FAT3: variants seen among roughly 807,000 people sequenced by gnomAD.
FAT3 encodes protocadherin Fat 3.
A neutral mutation model predicts 310.2 loss-of-function variants in FAT3; 95 were observed. That is an observed-to-expected ratio of 0.31 (90% CI 0.26 to 0.36). FAT3 has a LOEUF of 0.36. Ranked by LOEUF, FAT3 falls within the 10% of genes least tolerant of loss-of-function variation. The pLI, the probability that FAT3 is intolerant of heterozygous loss-of-function variation, is 1.00. For synonymous variants in FAT3, 2,314 were observed against 2,192.9 expected (o/e 1.06, Z -1.54); for missense variants, 5,408 against 5,715.6 (o/e 0.95, Z 1.74).
intron 13 of FAT3, among the ~76,000 whole-genome samples, chr11:92,823,664 G>A (rs1291795102): frequency 1.3e-5 from 2 of 152,098 alleles, no homozygotes; most frequent in Admixed American, 1.3e-4. Context: ...CAGTCATCAG[G>A]GTCTCCTGGA....
At chr11:92,794,339 G>A (rs1402979266) in intron 9 of FAT3, among the ~76,000 whole-genome samples, 2 of 152,024 alleles carry the variant, frequency 1.3e-5, no homozygotes, top group African/African-American at 2.4e-5. Flanking sequence ...TTTTTCCAAT[G>A]TTGTGTTTTT....
At position 92,799,807 on chromosome 11, in the gene FAT3, C is replaced by G; in HGVS notation, c.6794C>G (p.Thr2265Ser). Residue 2265 changes from threonine (T) to serine (S), a missense_variant, in exon 10 of 28, where the codon ACT becomes AGT. Physicochemically the swap from Thr to Ser is moderately conservative, Grantham distance 58. Transcript: ENST00000525166. ...ACAATAAGAGCCAGCGACGCCCTTA[C>G]TGGTGCTAGGGCTGAAGTCACTGTT... ...KLTIRASDAL[T>S]GARAEVTVDL... 6.2e-7 allele frequency: 1 copy of G among 1,613,218 alleles called. No homozygotes were observed. Among genetic ancestry groups the G allele is most frequent in the Non-Finnish European group, 8.5e-7 (1 of 1,179,552 alleles).
chr11:92,504,550 T>A (rs1352131265), intron 2 of FAT3, among the ~76,000 whole-genome samples: 5 of 152,168 alleles, frequency 3.3e-5, no homozygotes, highest in Non-Finnish European at 7.4e-5. Context: ...CTATGTTGCC[T>A]ATGTCTTTGA....
intron 1 of FAT3, among the ~76,000 whole-genome samples, chr11:92,265,212 C>T (rs138533963): frequency 4.0e-5 from 6 of 151,634 alleles, no homozygotes; most frequent in African/African-American, 9.7e-5. Context: ...TCTGTATTTG[C>T]GTGATAGAAA....
chr11:92,461,640 T>A (rs1951641301), intron 2 of FAT3, among the ~76,000 whole-genome samples: 1 of 152,026 alleles, frequency 6.6e-6, no homozygotes, highest in Admixed American at 6.6e-5. Flanking sequence ...TAGAGGACAC[T>A]GTGTGAAGAC....
chr11:92,538,075 A>G (rs899030078), intron 3 of FAT3, among the ~76,000 whole-genome samples: 1 of 152,172 alleles, frequency 6.6e-6, no homozygotes, highest in East Asian at 1.9e-4. Context: ...CATGATCTCC[A>G]GCATGTATGT....
intron 15 of FAT3, among the ~76,000 whole-genome samples, chr11:92,835,476 T>G (rs1052286142): frequency 6.6e-6 from 1 of 152,104 alleles, no homozygotes; most frequent in Non-Finnish European, 1.5e-5. Context: ...CACAGCATGA[T>G]GAATATAGTT....
chr11:92,712,370 A>T (rs1348025625), intron 4 of FAT3, among the ~76,000 whole-genome samples: 1 of 152,202 alleles, frequency 6.6e-6, no homozygotes, highest in East Asian at 1.9e-4. Context: ...CCACTTTCAG[A>T]CAACCTTGAA....
Position 92,883,603 on chromosome 11 carries a change from A to G in FAT3, c.12937+210A>G, listed in dbSNP as rs1198190519. Among the ~76,000 whole-genome samples, 1 of 152,202 alleles carries G rather than the reference A, an allele frequency of 6.6e-6. No homozygotes were observed. The highest frequency in any genetic ancestry group is 1.5e-5 in the Non-Finnish European group (1 of 68,034). ...GGGAGAAATGAAGCTCAGAGAGGGT[A>G]ACATCATGAGCCCAAGGTGAGGCAG... On this transcript the variant is annotated intron_variant, in intron 24 of 27. Coordinates refer to ENST00000525166, the MANE Select transcript of FAT3 (RefSeq NM_001367949.2). This position sits in a 1 kb window ranked among gnomAD's most constrained non-coding sequence, Gnocchi z 4.2.
chr11:92,837,892 T>C (rs1025732604), intron 17 of FAT3, 86 bp downstream of exon 17: 4 of 1,508,588 alleles, frequency 2.7e-6, no homozygotes, highest in Admixed American at 1.7e-5. Context: ...GGTTTATTGC[T>C]ACTATTACTT....
chr11:92,487,917 C>T (rs1305830391), intron 2 of FAT3, among the ~76,000 whole-genome samples: 1 of 152,206 alleles, frequency 6.6e-6, no homozygotes, highest in Non-Finnish European at 1.5e-5. Context: ...AGGTGGCCCC[C>T]ACGATCCCTG....
At chr11:92,240,813 T>C (rs1864643324) in intron 1 of FAT3, among the ~76,000 whole-genome samples, 1 of 152,044 alleles carries the variant, frequency 6.6e-6, no homozygotes, top group African/African-American at 2.4e-5. Context: ...TTTTTGGAAA[T>C]GTCCTGGGAA....
intron 2 of FAT3, among the ~76,000 whole-genome samples, chr11:92,482,576 C>G (rs1952259446): frequency 6.6e-6 from 1 of 152,140 alleles, no homozygotes; most frequent in Admixed American, 6.6e-5. Flanking sequence ...CTGTCCTGGC[C>G]CCATCACATG....
chr11:92,656,495 G>A (rs1003521761), intron 3 of FAT3, among the ~76,000 whole-genome samples: 2 of 152,176 alleles, frequency 1.3e-5, no homozygotes, highest in Non-Finnish European at 2.9e-5. Flanking sequence ...ATTGCATGTA[G>A]ACATCTTCTT....
In FAT3 at chr11:92,893,856, T is replaced by A. The variant is rs1269307190; in HGVS notation, c.*2743T>A. On this transcript the variant is annotated 3_prime_UTR_variant, in exon 28 of 28. Coordinates refer to ENST00000525166, the MANE Select transcript of FAT3 (RefSeq NM_001367949.2). ...CCAAGATGCTACTAGGTGGGGATGA[T>A]CACTAATTCAAAAAAGCTGGAAGAA... The A allele has an allele frequency of 3.3e-5, 5 of 152,186 alleles. No homozygotes were observed. Among genetic ancestry groups the A allele is most frequent in the African/African-American group, 4.8e-5 (2 of 41,440 alleles). 9.4% of individuals were successfully genotyped at this position (152,186 alleles called of 1,614,324 possible).
intron 2 of FAT3, among the ~76,000 whole-genome samples, chr11:92,390,181 A>C (rs1019400072): frequency 6.6e-6 from 1 of 152,184 alleles, no homozygotes; most frequent in Non-Finnish European, 1.5e-5. Flanking sequence ...AGTTTATGCC[A>C]TAATAGATTA....
chr11:92,569,453 C>G (rs1240582868), intron 3 of FAT3, among the ~76,000 whole-genome samples: 1 of 152,004 alleles, frequency 6.6e-6, no homozygotes, highest in African/African-American at 2.4e-5. Context: ...TTTGAGGAAG[C>G]CTGATGAGGG....
chr11:92,625,945 T>C (rs1279772080), intron 3 of FAT3, among the ~76,000 whole-genome samples: 2 of 152,160 alleles, frequency 1.3e-5, no homozygotes, highest in African/African-American at 2.4e-5. Flanking sequence ...TAATGAGTAT[T>C]GTAAGTGACT....
rs746794002 is a variant in FAT3, at chr11:92,801,780, G to A, written c.8767G>A (p.Val2923Ile). 6.2e-7 allele frequency: 1 copy of A among 1,613,924 alleles called. No homozygotes were observed. The highest frequency in any genetic ancestry group is 8.5e-7 in the Non-Finnish European group (1 of 1,179,864). ...RVTDINDNAPVFAQEVYRGNV... is the reference protein window; with the variant it reads ...RVTDINDNAPIFAQEVYRGNV... ...GACAGATATAAATGACAATGCACCAGTCTTCGCGCAGGAAGTGTACCGAGG... is the reference window on the plus strand; with the variant it reads ...GACAGATATAAATGACAATGCACCAATCTTCGCGCAGGAAGTGTACCGAGG... Residue 2923 changes from valine (V) to isoleucine (I), a missense_variant, in exon 10 of 28, where the codon GTC becomes ATC. By Grantham distance (29) the Val-to-Ile change is conservative. Coordinates refer to ENST00000525166, the MANE Select transcript of FAT3 (RefSeq NM_001367949.2).
Sources: gnomAD v4.1 joint callset for allele counts (sites outside exome capture counted in the v4.1 genomes callset) on GRCh38, gnomAD v4.1.1 for gene constraint, Gnocchi (gnomAD v3.1) non-coding constraint, MANE v1.5 for transcripts, NCBI Gene and HGNC (gene_info 2026-07-23, HGNC 2026-07-21) for gene names.